Variants in NEBL observed in about 807,000 individuals in gnomAD.
The protein encoded by NEBL is nebulette, also known as LIM and SH3 protein 2.
NEBL carries 122 observed loss-of-function variants against 140.2 expected under a neutral mutation model. The ratio of observed to expected loss-of-function variants is 0.87; its 90% CI spans 0.75 to 1.01. The LOEUF is 1.01. Ranked by LOEUF, NEBL falls within the 50% of genes least tolerant of loss-of-function variation. The pLI, the probability that NEBL is intolerant of heterozygous loss-of-function variation, is 0.00. For synonymous variants in NEBL, 436 were observed against 398.9 expected (o/e 1.09, Z -1.11); for missense variants, 1,365 against 1,231.3 (o/e 1.11, Z -1.62).
intron 2 of NEBL, among the ~76,000 whole-genome samples, chr10:21,106,997 G>A (rs1040226271): frequency 1.3e-5 from 2 of 152,242 alleles, no homozygotes; most frequent in East Asian, 1.9e-4. Flanking sequence ...TGTTATTGGT[G>A]TATAGGAATG....
At chr10:20,803,039 G>A (rs768215807) in intron 26 of NEBL, among the ~76,000 whole-genome samples, 11 of 152,100 alleles carry the variant, frequency 7.2e-5, no homozygotes, top group Admixed American at 2.6e-4. Flanking sequence ...TCGTCCTCCA[G>A]TTCAGGGTTC....
chr10:20,912,063 A>G (rs1307470110), intron 4 of NEBL, among the ~76,000 whole-genome samples: 2 of 152,228 alleles, frequency 1.3e-5, no homozygotes, highest in Non-Finnish European at 2.9e-5. Flanking sequence ...TCTTACGGTT[A>G]TAATAACTTT....
intron 4 of NEBL, among the ~76,000 whole-genome samples, chr10:20,903,777 A>G (rs771399867): frequency 6.6e-6 from 1 of 151,846 alleles, no homozygotes; most frequent in Non-Finnish European, 1.5e-5. Context: ...GAAAAACCAA[A>G]TACTGCATGT....
chr10:21,059,248 T>A (rs146473013), intron 2 of NEBL, among the ~76,000 whole-genome samples: 1 of 152,332 alleles, frequency 6.6e-6, no homozygotes, highest in East Asian at 1.9e-4. Context: ...TGGGTGCCAT[T>A]CCACCAACCC....
At chr10:20,901,869 A>C (rs1847886986), upstream of NEBL, among the ~76,000 whole-genome samples, 1 of 152,236 alleles carries the variant, frequency 6.6e-6, no homozygotes. Context: ...AACTTTACTG[A>C]TGGACGAGGC....
rs1840424727 is a variant in NEBL at position 20,831,566 on chromosome 10, A to T, written c.1467T>A (p.Asp489Glu). The change falls in exon 15 of 28, where the codon GAT becomes GAA. Residue 489 changes from aspartate (D) to glutamate (E), a missense_variant. This residue lies in a region of NEBL where 1,323 missense variants were observed against 1,154.8 expected (regional missense o/e 1.15). Coordinates refer to ENST00000377122, the MANE Select transcript of NEBL (RefSeq NM_006393.3). ...EIASEKDYKR[D>E]LETEIKGKGM... ...CTTTCCCTTTAATTTCAGTCTCCAG[A>T]TCTCTTTTATAGTCTTTCTGCAGAA... The T allele has an allele frequency of 1.9e-6, 3 of 1,605,974 alleles. No homozygotes were observed. Among genetic ancestry groups the T allele is most frequent in the Non-Finnish European group, 2.6e-6 (3 of 1,173,622 alleles).
At chr10:21,249,437 C>A (rs992888546) in intron 2 of NEBL, among the ~76,000 whole-genome samples, 16 of 151,894 alleles carry the variant, frequency 1.1e-4, no homozygotes, top group African/African-American at 3.9e-4. Flanking sequence ...AGTGTTACAA[C>A]CAAAAAATCA....
chr10:21,160,991 G>A (rs1180118884), intron 2 of NEBL, among the ~76,000 whole-genome samples: 1 of 151,980 alleles, frequency 6.6e-6, no homozygotes, highest in Non-Finnish European at 1.5e-5. Flanking sequence ...TACCTTTGTA[G>A]ACATTATTCT....
At chr10:21,149,990 T>C (rs1840075089) in intron 2 of NEBL, among the ~76,000 whole-genome samples, 1 of 152,188 alleles carries the variant, frequency 6.6e-6, no homozygotes. Flanking sequence ...TTGTGTTTTT[T>C]CCACTCAGAA....
chr10:21,195,313 A>C (rs1841631427), intron 3 of NEBL, among the ~76,000 whole-genome samples: 1 of 152,172 alleles, frequency 6.6e-6, no homozygotes, highest in Non-Finnish European at 1.5e-5. Flanking sequence ...GAGGAAATAC[A>C]CCTAGCTCAA....
At chr10:21,025,430 T>C (rs1194796621) in intron 2 of NEBL, among the ~76,000 whole-genome samples, 1 of 152,156 alleles carries the variant, frequency 6.6e-6, no homozygotes, top group Admixed American at 6.5e-5. Flanking sequence ...AAGATAATAA[T>C]AGAAGACTGC....
In NEBL at chr10:20,863,345, C is replaced by T. The variant is rs138785162; in HGVS notation, c.685-3519G>A. Among the ~76,000 whole-genome samples, 5 of 152,194 alleles carry T rather than the reference C, an allele frequency of 3.3e-5. No individual in the cohort carries two copies. In the East Asian group the frequency reaches 9.6e-4, roughly 29 times the overall value. ...CAGACCCTGAATGAAGGTGTTTCAC[C>T]ATAGCCACATAAACACATTTTAGCA... is the stretch of plus-strand genomic sequence containing the variant. On this transcript the variant is annotated intron_variant, in intron 7 of 27. Coordinates refer to ENST00000377122, the MANE Select transcript of NEBL (RefSeq NM_006393.3).
chr10:20,944,729 G>A (rs894195665), intron 4 of NEBL, among the ~76,000 whole-genome samples: 1 of 152,126 alleles, frequency 6.6e-6, no homozygotes, highest in Non-Finnish European at 1.5e-5. Flanking sequence ...CTCAACATTT[G>A]TCATTCAATT....
chr10:21,059,273 G>A (rs553294917), intron 2 of NEBL, among the ~76,000 whole-genome samples: 136 of 152,324 alleles, frequency 8.9e-4, no homozygotes, highest in African/African-American at 3.2e-3. Context: ...ACTCCGTATG[G>A]TCTGCACCAC....
At chr10:21,216,687 C>T (rs903825793) in intron 3 of NEBL, among the ~76,000 whole-genome samples, 4 of 151,614 alleles carry the variant, frequency 2.6e-5, no homozygotes, top group African/African-American at 9.7e-5. Flanking sequence ...AGAAGAATTG[C>T]TTGAACCCAG....
intron 2 of NEBL, among the ~76,000 whole-genome samples, chr10:21,150,088 T>C: frequency 6.6e-6 from 1 of 152,252 alleles, no homozygotes; most frequent in East Asian, 1.9e-4. Context: ...AGGCTCCCAT[T>C]GCAAAATCAG....
intron 7 of NEBL, among the ~76,000 whole-genome samples, chr10:20,860,818 T>C (rs997464416): frequency 6.6e-6 from 1 of 152,132 alleles, no homozygotes; most frequent in African/African-American, 2.4e-5. Context: ...ATGACTCTCA[T>C]CAAATATTTT....
chr10:20,974,279 G>T (rs550764763), intron 3 of NEBL, among the ~76,000 whole-genome samples: 66 of 150,226 alleles, frequency 4.4e-4, no homozygotes, highest in African/African-American at 1.5e-3. Context: ...TTTTAGACAG[G>T]GTCTCACTCT....
intron 4 of NEBL, among the ~76,000 whole-genome samples, chr10:20,887,411 CTTTTTTTTT>C (rs36034071): frequency 3.7e-5 from 3 of 80,644 alleles, no homozygotes; most frequent in African/African-American, 1.5e-4. Flanking sequence ...TGAATTCAAC[CTTTTTTTTT>C]TTTTTTTTTT....
Sources: gnomAD v4.1 joint callset for allele counts (sites outside exome capture counted in the v4.1 genomes callset) on GRCh38, gnomAD v4.1.1 for gene constraint, gnomAD v4.1.1 regional missense constraint, MANE v1.5 for transcripts, NCBI Gene and HGNC (gene_info 2026-07-23, HGNC 2026-07-21) for gene names.